The following OPCML variants were observed in gnomAD, a reference collection of about 807,000 sequenced individuals.
OPCML encodes opioid-binding protein/cell adhesion molecule.
In OPCML, 13 loss-of-function variants were observed where a neutral mutation model predicts 37.8. The ratio of observed to expected loss-of-function variants is 0.34; its 90% CI spans 0.22 to 0.55. The LOEUF (loss-of-function observed/expected upper bound fraction) is 0.55. Among genes scored for constraint, OPCML ranks in the 20% least tolerant of loss-of-function variants. The pLI is 0.91. For missense variants in OPCML, 341 were observed against 435.6 expected (o/e 0.78, Z 1.93); for synonymous variants, 176 against 168.8 (o/e 1.04, Z -0.33).
chr11:132,941,408 G>A (rs1207195877), intron 2 of OPCML, among the ~76,000 whole-genome samples: 1 of 152,182 alleles, frequency 6.6e-6, no homozygotes, highest in Non-Finnish European at 1.5e-5. Context: ...TGGTAAAGAG[G>A]TGTGTGGCAG....
chr11:133,417,236 T>C (rs1945788249), intron 1 of OPCML, among the ~76,000 whole-genome samples: 1 of 152,162 alleles, frequency 6.6e-6, no homozygotes, highest in African/African-American at 2.4e-5. Context: ...TGGGAATCCC[T>C]GATTCATAGA....
intron 1 of OPCML, chr11:133,026,678 C>T (rs1323486782): frequency 8.7e-6 from 6 of 692,172 alleles, no homozygotes; most frequent in Admixed American, 6.3e-5. Flanking sequence ...ACAGCTCTTA[C>T]GATAAGGAAC....
intron 1 of OPCML, among the ~76,000 whole-genome samples, chr11:132,957,298 G>A (rs971613438): frequency 6.6e-6 from 1 of 152,058 alleles, no homozygotes; most frequent in Non-Finnish European, 1.5e-5. Context: ...TCCAGAAAAT[G>A]GGTGTGAAGA....
At chr11:133,282,591 T>A (rs1942188700) in intron 1 of OPCML, among the ~76,000 whole-genome samples, 1 of 152,170 alleles carries the variant, frequency 6.6e-6, no homozygotes, top group African/African-American at 2.4e-5. Context: ...GAAGCCCCCA[T>A]GCAGTTTCCA....
intron 1 of OPCML, among the ~76,000 whole-genome samples, chr11:133,180,126 C>T (rs1937754052): frequency 6.6e-6 from 1 of 152,168 alleles, no homozygotes; most frequent in South Asian, 2.1e-4. Flanking sequence ...TGTGAAAGAA[C>T]CGTAGGAAGC....
intron 1 of OPCML, among the ~76,000 whole-genome samples, chr11:133,151,754 G>C (rs1180400421): frequency 6.6e-6 from 1 of 152,114 alleles, no homozygotes; most frequent in Non-Finnish European, 1.5e-5. Context: ...ATCAGTTAGG[G>C]CTTCTCGAGA....
chr11:132,481,242 T>C (rs2096179356), intron 4 of OPCML, among the ~76,000 whole-genome samples: 1 of 151,828 alleles, frequency 6.6e-6, no homozygotes, highest in Non-Finnish European at 1.5e-5. Context: ...ACCAAGCAAA[T>C]GGAAAACAAA....
rs377516489 is a variant in OPCML at position 133,024,547 on chromosome 11, G to A, written c.62-81537C>T. ...GCCTGCTGTAATATACCCTTTGCAC[G>A]TAATTCATGTACAACAAAGAACTAC... On this transcript the variant is annotated intron_variant, in intron 1 of 7. Transcript: ENST00000524381. 2.1e-5 allele frequency: 21 copies of A among 985,124 alleles called. No homozygotes were observed. The South Asian group carries it at 2.8e-4, about 13-fold the overall frequency. The allele number at this position is 985,124 out of a possible 1,614,324, so 61.0% of individuals were successfully genotyped here.
chr11:132,930,080 C>T (rs933224117), intron 2 of OPCML, among the ~76,000 whole-genome samples: 9 of 152,156 alleles, frequency 5.9e-5, no homozygotes, highest in South Asian at 4.1e-4. Context: ...AAGAAAAAGA[C>T]GGGCTGGGTG....
intron 3 of OPCML, among the ~76,000 whole-genome samples, chr11:132,619,397 T>C (rs938896928): frequency 2.0e-5 from 3 of 152,300 alleles, no homozygotes; most frequent in African/African-American, 7.2e-5. Flanking sequence ...ATTTTATTTC[T>C]AGTACCAAAC....
In OPCML at chr11:132,544,795, A is replaced by G. The variant is rs541387774; in HGVS notation, c.380-15609T>C. On this transcript the variant is annotated intron_variant, in intron 3 of 7. Coordinates refer to ENST00000524381, the MANE Select transcript of OPCML (RefSeq NM_001012393.5). ...AGCTGGGTCGTCATTTCCCACTTGT[A>G]TAAATCAGTATCCTCTGCATTGCAC... Among the ~76,000 whole-genome samples, 6 of 152,276 alleles carry G rather than the reference A, an allele frequency of 3.9e-5. No individual in the cohort carries two copies. The East Asian group carries it at 7.7e-4, about 20-fold the overall frequency.
intron 1 of OPCML, among the ~76,000 whole-genome samples, chr11:133,086,859 T>A (rs1408628900): frequency 1.3e-5 from 2 of 152,212 alleles, no homozygotes; most frequent in Non-Finnish European, 2.9e-5. Flanking sequence ...TCTGGCTTAT[T>A]TTGCTTAGCA....
chr11:133,305,481 T>A (rs1003313892), intron 1 of OPCML, among the ~76,000 whole-genome samples: 1 of 152,254 alleles, frequency 6.6e-6, no homozygotes, highest in Admixed American at 6.5e-5. Flanking sequence ...GTGAGAATTA[T>A]TTAAGTGCCT....
intron 1 of OPCML, among the ~76,000 whole-genome samples, chr11:133,089,068 A>T (rs1948863854): frequency 6.6e-6 from 1 of 152,222 alleles, no homozygotes; most frequent in South Asian, 2.1e-4. Flanking sequence ...TTGACCCATA[A>T]TATAGAATCG....
chr11:132,897,149 C>T (rs184776316), intron 2 of OPCML, among the ~76,000 whole-genome samples: 1 of 152,284 alleles, frequency 6.6e-6, no homozygotes, highest in Non-Finnish European at 1.5e-5. Flanking sequence ...TCCAAGATGT[C>T]AGTGGCAGAT....
intron 1 of OPCML, among the ~76,000 whole-genome samples, chr11:133,253,054 G>T (rs929960917): frequency 6.6e-6 from 1 of 151,104 alleles, no homozygotes; most frequent in Non-Finnish European, 1.5e-5. Flanking sequence ...GCTGAGGCAG[G>T]AGAACCACTT....
chr11:133,194,204 A>G (rs147796607), intron 1 of OPCML, among the ~76,000 whole-genome samples: 1 of 85,018 alleles, frequency 1.2e-5, no homozygotes, highest in Non-Finnish European at 2.4e-5. Context: ...CCCTTCCCCC[A>G]CTTTTTTTTT....
chr11:132,875,842 G>A (rs1942990289), intron 2 of OPCML, among the ~76,000 whole-genome samples: 1 of 152,142 alleles, frequency 6.6e-6, no homozygotes, highest in African/African-American at 2.4e-5. Flanking sequence ...ATGAGAGCCT[G>A]GGTTCCTCTG....
chr11:132,558,187 C>G (rs1215058471), intron 3 of OPCML, among the ~76,000 whole-genome samples: 1 of 152,032 alleles, frequency 6.6e-6, no homozygotes, highest in Admixed American at 6.6e-5. Flanking sequence ...CATAAAAATT[C>G]TGATTTCTTC....
Sources: gnomAD v4.1 joint callset for allele counts (sites outside exome capture counted in the v4.1 genomes callset) on GRCh38, gnomAD v4.1.1 for gene constraint, MANE v1.5 for transcripts, NCBI Gene and HGNC (gene_info 2026-07-23, HGNC 2026-07-21) for gene names.